The following PLIN3 variants were observed in gnomAD, a reference collection of about 807,000 sequenced individuals.
The protein encoded by PLIN3 is perilipin 3.
Under a neutral mutation model 35.9 loss-of-function variants are expected in PLIN3, and 30 were observed. The observed-to-expected ratio is 0.84, with a 90% CI of 0.62 to 1.13. The LOEUF (loss-of-function observed/expected upper bound fraction) is 1.13. Among genes scored for constraint, PLIN3 ranks in the 50% most tolerant of loss-of-function variants. The probability of loss-of-function intolerance (pLI) is 0.00; values close to 1 mark genes in which losing one functional copy is unlikely to be tolerated. For missense variants in PLIN3, 603 were observed against 596.9 expected (o/e 1.01, Z -0.11); for synonymous variants, 261 against 262.5 (o/e 0.99, Z 0.06).
intron 7 of PLIN3, among the ~76,000 whole-genome samples, chr19:4,840,773 G>T (rs186888338): frequency 1.3e-5 from 2 of 152,058 alleles, no homozygotes; most frequent in Non-Finnish European, 2.9e-5. Flanking sequence ...GGCGAAACCC[G>T]CATTTCTACT....
chr19:4,854,566 G>C (rs1456580175), intron 4 of PLIN3, among the ~76,000 whole-genome samples: 1 of 151,998 alleles, frequency 6.6e-6, no homozygotes, highest in African/African-American at 2.4e-5. Context: ...GCCACGGCCG[G>C]CTAATTTTTT....
intron 4 of PLIN3, among the ~76,000 whole-genome samples, chr19:4,855,043 A>T (rs1026265568): frequency 6.6e-6 from 1 of 151,628 alleles, no homozygotes; most frequent in Non-Finnish European, 1.5e-5. Flanking sequence ...TGAGGTCAGG[A>T]GTTCGAGACC....
intron 4 of PLIN3, among the ~76,000 whole-genome samples, chr19:4,854,565 G>A (rs560159490): frequency 1.2e-4 from 19 of 152,012 alleles, no homozygotes; most frequent in African/African-American, 2.9e-4. Context: ...TGCCACGGCC[G>A]GCTAATTTTT....
Position 4,842,583 on chromosome 19 carries a change from G to C in PLIN3, c.960+2085C>G, listed in dbSNP as rs189414012. ...ACATTGCACTCCAGCCAGGGTGACA[G>C]AGTGAGACTCTATCTCAAAAAAAAA... On this transcript the variant is annotated intron_variant, in intron 7 of 7. Transcript: ENST00000221957. 9.2e-4 allele frequency among the ~76,000 whole-genome samples: 116 copies of C among 125,776 alleles called. 4 individuals carry two copies. In the Admixed American group the frequency reaches 0.01, roughly 11 times the overall value. 82.5% of individuals were successfully genotyped at this position (125,776 alleles called of 152,430 possible).
chr19:4,853,364 T>C (rs1178784962), intron 4 of PLIN3, among the ~76,000 whole-genome samples: 1 of 152,048 alleles, frequency 6.6e-6, no homozygotes, highest in African/African-American at 2.4e-5. Flanking sequence ...TCACTCTTGT[T>C]GCCCAGGCTA....
At chr19:4,856,745 C>A (rs1333281194) in intron 4 of PLIN3, among the ~76,000 whole-genome samples, 3 of 147,522 alleles carry the variant, frequency 2.0e-5, no homozygotes, top group African/African-American at 7.5e-5. Flanking sequence ...TGCTCTGTTG[C>A]CCAGGCTGGA....
chr19:4,865,376 C>T (rs907745631), intron 1 of PLIN3, among the ~76,000 whole-genome samples: 8 of 151,650 alleles, frequency 5.3e-5, no homozygotes, highest in African/African-American at 9.7e-5. Flanking sequence ...GTAGTCCCAG[C>T]TACACAGGAG....
intron 4 of PLIN3, among the ~76,000 whole-genome samples, chr19:4,857,064 A>G (rs1224541624): frequency 2.0e-5 from 3 of 152,036 alleles, no homozygotes; most frequent in East Asian, 1.9e-4. Context: ...CTCAACCCCA[A>G]ATTCTTATGT....
intron 4 of PLIN3, among the ~76,000 whole-genome samples, chr19:4,857,218 G>A (rs1169106749): frequency 6.6e-6 from 1 of 151,876 alleles, no homozygotes; most frequent in African/African-American, 2.4e-5. Flanking sequence ...CAGGAGGATT[G>A]CTTGAGCCCA....
At chr19:4,848,743 T>C (rs2030188652) in intron 5 of PLIN3, among the ~76,000 whole-genome samples, 1 of 152,122 alleles carries the variant, frequency 6.6e-6, no homozygotes, top group Non-Finnish European at 1.5e-5. Context: ...GGCACTAGCC[T>C]GTAATCTCAG....
Position 4,859,968 on chromosome 19 carries a change from C to A in PLIN3, c.123G>T (p.Met41Ile). ...TGGTGGAGGCATAGGCTGCGGACACCATGTCGCAGGTGGAGCTGATCAGAG... is the reference window on the plus strand; with the variant it reads ...TGGTGGAGGCATAGGCTGCGGACACAATGTCGCAGGTGGAGCTGATCAGAG... ...SMPLISSTCD[M>I]VSAAYASTKE... The change falls in exon 3 of 8, where the codon ATG becomes ATT. Residue 41 changes from methionine (M) to isoleucine (I), a missense_variant. Transcript: ENST00000221957. The A allele has an allele frequency of 6.2e-7, 1 of 1,614,092 alleles. No individual in the cohort carries two copies.
At chr19:4,851,486 A>G (rs1835328857) in intron 5 of PLIN3, among the ~76,000 whole-genome samples, 2 of 152,100 alleles carry the variant, frequency 1.3e-5, no homozygotes, top group East Asian at 1.9e-4. Context: ...TAAATTAATT[A>G]AAGAAGAATA....
Position 4,862,356 on chromosome 19 carries a change from T to C in PLIN3, c.-17-945A>G, listed in dbSNP as rs1415198419. On this transcript the variant is annotated intron_variant, in intron 1 of 7. Coordinates refer to ENST00000221957, the MANE Select transcript of PLIN3 (RefSeq NM_005817.5). Reference sequence around the variant, plus strand: ...ACCATGTTGGCCAGGATGGTCTTGATCTCCTGACCTCGTGATCCGCCCGCC... The same window carrying C: ...ACCATGTTGGCCAGGATGGTCTTGACCTCCTGACCTCGTGATCCGCCCGCC... Among the ~76,000 whole-genome samples, 3 of 151,608 alleles carry C rather than the reference T, an allele frequency of 2.0e-5. No homozygotes were observed. The Admixed American group carries it at 2.0e-4, about 10-fold the overall frequency.
chr19:4,852,366 C>T (rs781040690), intron 4 of PLIN3, 65 bp from the exon 5 acceptor site: 12 of 1,550,782 alleles, frequency 7.7e-6, no homozygotes, highest in Non-Finnish European at 1.0e-5. Flanking sequence ...CTCCCCTGCA[C>T]CCCAACTTCC....
At chr19:4,860,427 A>T (rs185597540) in intron 2 of PLIN3, among the ~76,000 whole-genome samples, 30 of 148,794 alleles carry the variant, frequency 2.0e-4, no homozygotes, top group African/African-American at 6.9e-4. Flanking sequence ...CTGGTCTTGA[A>T]CTCCTGACCT....
intron 4 of PLIN3, among the ~76,000 whole-genome samples, chr19:4,857,489 G>C (rs1367989448): frequency 6.6e-6 from 1 of 151,920 alleles, no homozygotes; most frequent in East Asian, 1.9e-4. Context: ...GATCACTTGA[G>C]CCCAGGAGTT....
intron 6 of PLIN3, among the ~76,000 whole-genome samples, chr19:4,847,278 C>T (rs1282410740): frequency 2.6e-5 from 4 of 151,430 alleles, no homozygotes; most frequent in Non-Finnish European, 5.9e-5. Flanking sequence ...CAGCCTCCAA[C>T]TCCTGGGCTC....
Position 4,847,682 on chromosome 19 carries a change from G to T in PLIN3, c.834+9C>A, listed in dbSNP as rs2030146956. 4.4e-6 allele frequency: 7 copies of T among 1,587,506 alleles called. No homozygotes were observed. The East Asian group carries it at 1.4e-4, about 31-fold the overall frequency. On this transcript the variant is annotated intron_variant, in intron 6 of 7. Coordinates refer to ENST00000221957, the MANE Select transcript of PLIN3 (RefSeq NM_005817.5). ...GCTGGCTCAGGGCCCCGACCCCCTG[G>T]AACCTCACCAGGCTTAGGACCTGCG...
rs867865385 is a variant in PLIN3, at chr19:4,841,916, A to G, written c.961-2380T>C. On this transcript the variant is annotated intron_variant, in intron 7 of 7. Transcript: ENST00000221957. ...CGAGACTCCATCTCAAAAAAAAAAA[A>G]AAAAAAAAAAGAAAAAAAAAAGCTG... is the stretch of plus-strand genomic sequence containing the variant. Among the ~76,000 whole-genome samples the G allele has an allele frequency of 2.9e-3, 227 of 77,570 alleles. 1 individual carries two copies. Among genetic ancestry groups the G allele is most frequent in the African/African-American group, 0.015 (218 of 14,616 alleles). The allele number at this position is 77,570 out of a possible 152,430, so 50.9% of individuals were successfully genotyped here. A position where few individuals can be genotyped will look rare whatever the true frequency, so the allele number is the denominator to read the frequency against.
Sources: gnomAD v4.1 joint callset for allele counts (sites outside exome capture counted in the v4.1 genomes callset) on GRCh38, gnomAD v4.1.1 for gene constraint, MANE v1.5 for transcripts, NCBI Gene and HGNC (gene_info 2026-07-23, HGNC 2026-07-21) for gene names.